Variants in POLA1 observed in about 807,000 individuals in gnomAD.
POLA1 encodes DNA polymerase alpha 1, catalytic subunit.
Under a neutral mutation model 124.0 loss-of-function variants are expected in POLA1, and 15 were observed. That is an observed-to-expected ratio of 0.12 (90% CI 0.08 to 0.19). The LOEUF (loss-of-function observed/expected upper bound fraction) is 0.19. Ranked by LOEUF, POLA1 falls within the 10% of genes least tolerant of loss-of-function variation. The pLI, the probability that POLA1 is intolerant of heterozygous loss-of-function variation, is 1.00. For synonymous variants in POLA1, 408 were observed against 389.4 expected (o/e 1.05, Z -0.56); for missense variants, 886 against 1,103.4 (o/e 0.80, Z 2.79).
chrX:24,919,820 GTTTTTT>G, intron 35 of POLA1, among the ~76,000 whole-genome samples: 1 of 29,574 alleles, frequency 3.4e-5, no homozygotes, highest in South Asian at 1.7e-3. Context: ...TTTTTTTTTT[GTTTTTT>G]TTTTTGTTTT....
intron 32 of POLA1, among the ~76,000 whole-genome samples, chrX:24,832,377 G>A (rs1279788204): frequency 8.9e-6 from 1 of 111,779 alleles, no homozygotes; most frequent in Non-Finnish European, 1.9e-5. Context: ...GCACACAGTG[G>A]GTTGCTTCTG....
intron 32 of POLA1, among the ~76,000 whole-genome samples, chrX:24,835,968 T>G (rs1470780559): frequency 2.7e-5 from 3 of 111,551 alleles, no homozygotes; most frequent in Non-Finnish European, 5.6e-5. Context: ...TTGATAAATT[T>G]TCACAAGGTC....
chrX:24,906,273 G>A (rs943578943), intron 35 of POLA1, among the ~76,000 whole-genome samples: 11 of 112,059 alleles, frequency 9.8e-5, no homozygotes, highest in African/African-American at 3.6e-4. Flanking sequence ...ATGAGCTAAC[G>A]AGTAGATAAA....
intron 30 of POLA1, among the ~76,000 whole-genome samples, chrX:24,816,610 A>C (rs2045991630): frequency 8.9e-6 from 1 of 112,037 alleles, no homozygotes; most frequent in African/African-American, 3.2e-5. Flanking sequence ...AATTTATATG[A>C]GTAAGAGTTA....
intron 35 of POLA1, among the ~76,000 whole-genome samples, chrX:24,915,669 C>T (rs980410235): frequency 9.8e-5 from 11 of 111,994 alleles, no homozygotes; most frequent in African/African-American, 3.6e-4. Flanking sequence ...TCCCTCTAAA[C>T]TTTAAGTGTT....
chrX:24,856,059 TGA>T (rs1343056056), intron 34 of POLA1, among the ~76,000 whole-genome samples: 1 of 112,262 alleles, frequency 8.9e-6, no homozygotes, highest in East Asian at 2.8e-4. Flanking sequence ...AGTCTATAGC[TGA>T]GTTTGTTCTT....
At chrX:24,699,942 T>G (rs1321052515) in intron 2 of POLA1, among the ~76,000 whole-genome samples, 2 of 103,757 alleles carry the variant, frequency 1.9e-5, no homozygotes, top group Non-Finnish European at 3.9e-5. Context: ...CTGTTCTTCC[T>G]AATCTCATTT....
intron 35 of POLA1, among the ~76,000 whole-genome samples, chrX:24,889,464 T>C (rs1474639884): frequency 8.9e-6 from 1 of 112,366 alleles, no homozygotes; most frequent in African/African-American, 3.2e-5. Context: ...TATAATATGA[T>C]AATGTGCAAT....
At chrX:24,970,367 G>A (rs1049666548) in intron 36 of POLA1, among the ~76,000 whole-genome samples, 2 of 111,883 alleles carry the variant, frequency 1.8e-5, no homozygotes, top group Middle Eastern at 4.2e-3. Flanking sequence ...AGAAAACCTA[G>A]GCAATACCAT....
intron 36 of POLA1, among the ~76,000 whole-genome samples, chrX:24,936,528 T>C (rs554924222): frequency 9.0e-6 from 1 of 111,557 alleles, no homozygotes; most frequent in South Asian, 3.8e-4. Context: ...ACTGGTTGTG[T>C]TCTGTTTTTT....
intron 34 of POLA1, among the ~76,000 whole-genome samples, chrX:24,859,054 G>A (rs984321828): frequency 1.8e-5 from 2 of 111,245 alleles, no homozygotes; most frequent in Admixed American, 9.5e-5. Flanking sequence ...ATTGGATATC[G>A]TGGTGTTGTA....
chrX:24,954,198 T>G (rs1418313670), intron 36 of POLA1, among the ~76,000 whole-genome samples: 1 of 112,637 alleles, frequency 8.9e-6, no homozygotes, highest in Non-Finnish European at 1.9e-5. Context: ...TTTTATGCTT[T>G]TAAGTATTGT....
chrX:24,953,792 A>G (rs2048074029), intron 36 of POLA1, among the ~76,000 whole-genome samples: 1 of 112,288 alleles, frequency 8.9e-6, no homozygotes, highest in Non-Finnish European at 1.9e-5. Flanking sequence ...TCTAGAAATT[A>G]TGTACGGAGG....
chrX:24,801,920 G>GTGTGTGTGTGTGT lies in POLA1; in HGVS notation c.2965-7978_2965-7977insTGTGTGTGTGTGT, dbSNP rs1569317038. ...AGAAACAGAGCCACTAGGAGAGGTG[G>GTGTGTGTGTGTGT]GTGGGTGTGTGTGTGTGTGTGTGTG... On this transcript the variant is annotated intron_variant, in intron 26 of 36. Coordinates refer to ENST00000379068, the MANE Select transcript of POLA1 (RefSeq NM_001330360.2). 1.8e-3 allele frequency among the ~76,000 whole-genome samples: 85 copies of GTGTGTGTGTGTGT among 47,508 alleles called. 3 individuals are homozygous for GTGTGTGTGTGTGT. The highest frequency in any genetic ancestry group is 8.9e-3 in the African/African-American group (83 of 9,287). 41.3% of individuals were successfully genotyped at this position (47,508 alleles called of 115,157 possible). A position where few individuals can be genotyped will look rare whatever the true frequency, so the allele number is the denominator to read the frequency against.
At chrX:24,948,284 A>C (rs962704878) in intron 36 of POLA1, among the ~76,000 whole-genome samples, 1 of 111,652 alleles carries the variant, frequency 9.0e-6, no homozygotes, top group Non-Finnish European at 1.9e-5. Flanking sequence ...CAGTTAAAGT[A>C]TATGTCCAAA....
chrX:24,860,056 A>C (rs1217952416), intron 34 of POLA1, among the ~76,000 whole-genome samples: 1 of 112,333 alleles, frequency 8.9e-6, no homozygotes, highest in East Asian at 2.8e-4. Context: ...CTTTTACTTA[A>C]TAGCACCTTT....
At chrX:24,870,350 A>G (rs2046848996) in intron 34 of POLA1, among the ~76,000 whole-genome samples, 1 of 112,095 alleles carries the variant, frequency 8.9e-6, no homozygotes, top group South Asian at 3.7e-4. Flanking sequence ...GCAATATCTT[A>G]GTCCTTCACT....
chrX:24,897,679 G>C (rs1167547438), intron 35 of POLA1, among the ~76,000 whole-genome samples: 1 of 111,764 alleles, frequency 8.9e-6, no homozygotes, highest in African/African-American at 3.3e-5. Context: ...ATGTTCCAGG[G>C]ATGTTCAGTC....
At chrX:24,697,338 A>G (rs1261544827) in intron 1 of POLA1, among the ~76,000 whole-genome samples, 1 of 111,483 alleles carries the variant, frequency 9.0e-6, no homozygotes, top group Non-Finnish European at 1.9e-5. Context: ...CTTGAGGGGA[A>G]TCGCTTTTCA....
Sources: gnomAD v4.1 joint callset for allele counts (sites outside exome capture counted in the v4.1 genomes callset) on GRCh38, gnomAD v4.1.1 for gene constraint, MANE v1.5 for transcripts, NCBI Gene and HGNC (gene_info 2026-07-23, HGNC 2026-07-21) for gene names.